TNNI3K: variants seen among roughly 807,000 people sequenced by gnomAD.
The protein encoded by TNNI3K is serine/threonine-protein kinase TNNI3K.
TNNI3K carries 140 observed loss-of-function variants against 114.5 expected under a neutral mutation model. The observed-to-expected ratio is 1.22, with a 90% CI of 1.07 to 1.41. The LOEUF (loss-of-function observed/expected upper bound fraction) is 1.41. Among genes scored for constraint, TNNI3K ranks in the 40% most tolerant of loss-of-function variants. TNNI3K has a pLI of 0.00. For synonymous variants in TNNI3K, 347 were observed against 347.5 expected, an observed-to-expected ratio of 1.00 and a Z score of 0.02; for missense variants, 1,125 against 1,007.6, an observed-to-expected ratio of 1.12 and a Z score of -1.58.
chr1:74,480,053 G>T (rs1668402129), intron 21 of TNNI3K: 3 of 619,718 alleles, frequency 4.8e-6, no homozygotes, highest in Non-Finnish European at 8.8e-6. Context: ...CCTTTCCATA[G>T]CCCTGGCAAC....
chr1:74,384,150 T>C (rs957843310), intron 17 of TNNI3K, among the ~76,000 whole-genome samples: 2 of 152,168 alleles, frequency 1.3e-5, no homozygotes, highest in African/African-American at 2.4e-5. Flanking sequence ...CTAGAATTCA[T>C]AGCTGAAATG....
chr1:74,519,379 C>G (rs917971712), intron 23 of TNNI3K, among the ~76,000 whole-genome samples: 14 of 119,228 alleles, frequency 1.2e-4, no homozygotes, highest in South Asian at 5.9e-4. Context: ...ATGATTTATA[C>G]TCATTTGGGT....
intron 23 of TNNI3K, among the ~76,000 whole-genome samples, chr1:74,499,008 A>G (rs1256808993): frequency 2.6e-5 from 4 of 152,238 alleles, no homozygotes; most frequent in Non-Finnish European, 5.9e-5. Context: ...TGACTCATTC[A>G]TTTTATATTC....
chr1:74,389,241 G>A (rs1350803236), intron 17 of TNNI3K, among the ~76,000 whole-genome samples: 1 of 152,186 alleles, frequency 6.6e-6, no homozygotes, highest in African/African-American at 2.4e-5. Context: ...ACAGATTTAT[G>A]GTAGAGGTGA....
chr1:74,263,670 G>T (rs1379095738), intron 4 of TNNI3K, among the ~76,000 whole-genome samples: 1 of 151,774 alleles, frequency 6.6e-6, no homozygotes, highest in Admixed American at 6.6e-5. Flanking sequence ...TTAGGGAAAT[G>T]GAGGCAATAA....
chr1:74,360,159 A>C (rs769404601), intron 11 of TNNI3K, among the ~76,000 whole-genome samples: 2 of 151,782 alleles, frequency 1.3e-5, no homozygotes, highest in Non-Finnish European at 1.5e-5. Flanking sequence ...AATCCATTTT[A>C]ATAACCTCAT....
In TNNI3K at chr1:74,501,932, A is replaced by C. The variant is rs564238522; in HGVS notation, c.2351+9666A>C. On this transcript the variant is annotated intron_variant, in intron 23 of 24. Coordinates refer to ENST00000326637, the MANE Select transcript of TNNI3K (RefSeq NM_015978.3). ...CTTTACCTGGAGCCAGGAATAATGT[A>C]AGATATTTATCCTCTGCATATCTTT... Among the ~76,000 whole-genome samples, 31 of 152,224 alleles carry C rather than the reference A, an allele frequency of 2.0e-4. 1 individual carries two copies. The South Asian group carries it at 5.8e-3, about 29-fold the overall frequency.
chr1:74,291,539 G>A (rs1267313479), intron 5 of TNNI3K, among the ~76,000 whole-genome samples: 1 of 151,516 alleles, frequency 6.6e-6, no homozygotes, highest in African/African-American at 2.4e-5. Context: ...CTGAGTTCCA[G>A]AAAGGTTAAA....
intron 17 of TNNI3K, among the ~76,000 whole-genome samples, chr1:74,395,978 A>G (rs1664056508): frequency 6.6e-6 from 1 of 152,118 alleles, no homozygotes; most frequent in Admixed American, 6.5e-5. Flanking sequence ...TTAATTCTTT[A>G]TGTGAATAAT....
intron 23 of TNNI3K, among the ~76,000 whole-genome samples, chr1:74,512,834 C>T (rs888789726): frequency 2.0e-5 from 3 of 152,096 alleles, no homozygotes; most frequent in Non-Finnish European, 4.4e-5. Flanking sequence ...AAATGGGCAC[C>T]CCCTGCAGCA....
intron 21 of TNNI3K, among the ~76,000 whole-genome samples, chr1:74,477,046 T>C (rs938315044): frequency 6.6e-6 from 1 of 152,160 alleles, no homozygotes; most frequent in Non-Finnish European, 1.5e-5. Context: ...AAGCAATCTC[T>C]ATTAAAGGCA....
chr1:74,252,519 T>A (rs185481838), intron 4 of TNNI3K, among the ~76,000 whole-genome samples: 1 of 152,352 alleles, frequency 6.6e-6, no homozygotes. Context: ...TTGGTCTCAC[T>A]CACTTCAAGA....
chr1:74,472,183 A>G (rs564967203), intron 21 of TNNI3K: 1 of 716,934 alleles, frequency 1.4e-6, no homozygotes, highest in South Asian at 1.5e-5. Context: ...TCTTCTTCTA[A>G]ATATGTCACT....
intron 21 of TNNI3K, chr1:74,480,979 A>G (rs891152433): frequency 1.4e-6 from 1 of 700,576 alleles, no homozygotes; most frequent in Non-Finnish European, 2.7e-6. Flanking sequence ...CTGTGGGGAA[A>G]AAAGCACAGA....
At chr1:74,250,239 T>C (rs1654845286) in intron 3 of TNNI3K, among the ~76,000 whole-genome samples, 1 of 152,206 alleles carries the variant, frequency 6.6e-6, no homozygotes, top group South Asian at 2.1e-4. Flanking sequence ...GATTGTTCTC[T>C]CAACTTCAAA....
chr1:74,447,446 G>A lies in TNNI3K; in HGVS notation c.2011+7824G>A, dbSNP rs541337380. On this transcript the variant is annotated intron_variant, in intron 20 of 24. Coordinates refer to ENST00000326637, the MANE Select transcript of TNNI3K (RefSeq NM_015978.3). ...CAAACAACCCCATCAAAAAGTGGGC[G>A]AAGGACATGAACAGACACTTCTCAA... Among the ~76,000 whole-genome samples, 153 of 145,388 alleles carry A rather than the reference G, an allele frequency of 1.1e-3. 13 individuals carry two copies. The highest frequency in any genetic ancestry group is 3.4e-3 in the African/African-American group (124 of 36,472).
intron 23 of TNNI3K, among the ~76,000 whole-genome samples, chr1:74,509,992 G>A (rs898548066): frequency 1.2e-4 from 18 of 151,976 alleles, no homozygotes; most frequent in African/African-American, 3.9e-4. Context: ...GAATTCAAGC[G>A]ATCTGCTTGC....
chr1:74,491,762 T>A (rs558531242), intron 22 of TNNI3K, among the ~76,000 whole-genome samples: 5 of 152,380 alleles, frequency 3.3e-5, no homozygotes, highest in Non-Finnish European at 7.3e-5. Context: ...TAAATCTTAT[T>A]GCCATAGTGA....
At chr1:74,275,377 G>A (rs367708206) in intron 5 of TNNI3K, among the ~76,000 whole-genome samples, 134 of 152,184 alleles carry the variant, frequency 8.8e-4, no homozygotes, top group Admixed American at 2.3e-3. Flanking sequence ...TCACTGCCAC[G>A]AGAACAGTAT....
Sources: allele counts gnomAD v4.1 joint callset (sites outside exome capture counted in the v4.1 genomes callset), GRCh38; gene constraint gnomAD v4.1.1; transcripts MANE v1.5; gene names NCBI Gene and HGNC (gene_info 2026-07-23, HGNC 2026-07-21).